The following LGSN variants were observed in gnomAD, a reference collection of about 807,000 sequenced individuals.
The protein encoded by LGSN is lengsin.
Under a neutral mutation model 19.5 loss-of-function variants are expected in LGSN, and 21 were observed. The ratio of observed to expected loss-of-function variants is 1.07; its 90% CI spans 0.76 to 1.55. LGSN has a LOEUF of 1.55. Ranked by LOEUF, LGSN falls within the 40% of genes most tolerant of loss-of-function variation. The pLI is 0.00. For synonymous variants in LGSN, 257 were observed against 215.6 expected (o/e 1.19, Z -1.68); for missense variants, 673 against 608.5 (o/e 1.11, Z -1.12).
chr6:63,519,660 A>G, the LGSN span, among the ~76,000 whole-genome samples: 1 of 152,224 alleles, frequency 6.6e-6, no homozygotes, highest in Non-Finnish European at 1.5e-5. Context: ...AAAAAGTAGG[A>G]CATGAAAATG....
At chr6:63,346,612 AAG>A in the LGSN span, among the ~76,000 whole-genome samples, 165 of 152,242 alleles carry the variant, frequency 1.1e-3, 1 homozygote, top group African/African-American at 3.6e-3. Context: ...GATTTAACCT[AAG>A]GAGGGAGTCA....
At position 63,278,102 on chromosome 6, in the gene LGSN, G is replaced by C. The variant is rs1037367855; in HGVS notation, c.*1919C>G. The C allele has an allele frequency of 6.7e-6, 1 of 150,340 alleles. No homozygotes were observed. The highest frequency in any genetic ancestry group is 2.4e-5 in the African/African-American group (1 of 40,926). The allele number at this position is 150,340 out of a possible 1,614,324, so 9.3% of individuals were successfully genotyped here. On this transcript the variant is annotated 3_prime_UTR_variant, in exon 4 of 4. Coordinates refer to ENST00000370657, the MANE Select transcript of LGSN (RefSeq NM_016571.3). The stretch of plus-strand genomic sequence containing the variant: ...GAAAAAAAAAAAAAATACAAGAAAA[G>C]AAAAGAAAATGTCCTAAAGAACTTA...
the LGSN span, among the ~76,000 whole-genome samples, chr6:63,461,027 GC>G: frequency 3.7e-4 from 56 of 152,276 alleles, no homozygotes; most frequent in African/African-American, 1.3e-3. Context: ...TGGGGCCACT[GC>G]CATGCCATCT....
At chr6:63,398,482 G>T in the LGSN span, among the ~76,000 whole-genome samples, 1 of 151,896 alleles carries the variant, frequency 6.6e-6, no homozygotes, top group Non-Finnish European at 1.5e-5. Flanking sequence ...TAGAAAAAAT[G>T]CTTTTAGAAT....
chr6:63,345,903 A>G, the LGSN span, among the ~76,000 whole-genome samples: 1 of 152,246 alleles, frequency 6.6e-6, no homozygotes, highest in Non-Finnish European at 1.5e-5. Flanking sequence ...TCCTTTTCAT[A>G]AACTAAATTT....
At chr6:63,313,837 AAAATAAATAAATAAAT>A (rs56286412) in intron 1 of LGSN, among the ~76,000 whole-genome samples, 87 of 147,652 alleles carry the variant, frequency 5.9e-4, no homozygotes, top group Middle Eastern at 7.0e-3. Context: ...CCCTGTCTCA[AAAATAAATAAATAAAT>A]AAATAAATAA....
rs1424829790 is a variant in LGSN at position 63,276,856 on chromosome 6, G to A, written c.*3165C>T. On this transcript the variant is annotated 3_prime_UTR_variant, in exon 4 of 4. Transcript: ENST00000370657. ...TTCAACAATAGAAAGCCTATGAACA[G>A]ATGAAAGAAATAGAAAAATAGATAA... The A allele has an allele frequency of 6.6e-6, 1 of 152,192 alleles. No homozygotes were observed. Among genetic ancestry groups the A allele is most frequent in the African/African-American group, 2.4e-5 (1 of 41,446 alleles). 9.4% of individuals were successfully genotyped at this position (152,192 alleles called of 1,614,324 possible).
At chr6:63,558,168 C>T in the LGSN span, among the ~76,000 whole-genome samples, 3 of 152,036 alleles carry the variant, frequency 2.0e-5, no homozygotes, top group African/African-American at 7.2e-5. Context: ...CCGTGCCCGG[C>T]CACATATGCA....
chr6:63,400,380 T>C, the LGSN span, among the ~76,000 whole-genome samples: 2 of 152,104 alleles, frequency 1.3e-5, no homozygotes, highest in Admixed American at 6.6e-5. Flanking sequence ...AGGACAGAGA[T>C]AGGAATATAG....
chr6:63,553,885 G>A, the LGSN span, among the ~76,000 whole-genome samples: 2 of 152,120 alleles, frequency 1.3e-5, no homozygotes, highest in Admixed American at 1.3e-4. Flanking sequence ...TATTCAAAAG[G>A]TTATGGCTAC....
chr6:63,336,519 C>CTGTG, the LGSN span, among the ~76,000 whole-genome samples: 71 of 132,120 alleles, frequency 5.4e-4, no homozygotes, highest in African/African-American at 7.7e-4. Flanking sequence ...TATAGAATAT[C>CTGTG]TGTGTGTGTG....
upstream of LGSN, among the ~76,000 whole-genome samples, chr6:63,321,905 T>C (rs1368385249): frequency 1.3e-5 from 2 of 152,204 alleles, no homozygotes; most frequent in Admixed American, 1.3e-4. Context: ...GTCTTTCTCT[T>C]ACCACTCTTC....
intron 3 of LGSN, among the ~76,000 whole-genome samples, chr6:63,282,702 CT>C (rs1304810571): frequency 6.6e-6 from 1 of 152,226 alleles, no homozygotes; most frequent in African/African-American, 2.4e-5. Flanking sequence ...TCCAACTCCA[CT>C]TTAACCAATA....
chr6:63,379,790 G>A, the LGSN span, among the ~76,000 whole-genome samples: 1 of 152,104 alleles, frequency 6.6e-6, no homozygotes, highest in African/African-American at 2.4e-5. Flanking sequence ...AATTTTGCAG[G>A]CTTGTAAAAT....
the LGSN span, among the ~76,000 whole-genome samples, chr6:63,481,366 G>T: frequency 7.4e-6 from 1 of 134,230 alleles, no homozygotes. Flanking sequence ...TTTTTGAGAC[G>T]GGGTCTGGCT....
At chr6:63,512,715 G>T in the LGSN span, among the ~76,000 whole-genome samples, 8 of 152,134 alleles carry the variant, frequency 5.3e-5, no homozygotes, top group Non-Finnish European at 1.2e-4. Flanking sequence ...ACATATCTGA[G>T]ATTTTGTTAG....
In LGSN at chr6:63,280,339, C is replaced by G. The variant is rs141116378; in HGVS notation, c.1212G>C (p.Arg404=). 2 of 1,614,080 alleles carry G rather than the reference C, an allele frequency of 1.2e-6. No individual in the cohort carries two copies. Among genetic ancestry groups the G allele is most frequent in the Admixed American group, 3.3e-5 (2 of 60,006 alleles). ...NIKCHGEKGT[R]IENKLGSATA... ...TTGCTGAGCCTAGTTTATTTTCTATCCGGGTGCCTTTCTCTCCATGACATT... is the reference window on the plus strand; with the variant it reads ...TTGCTGAGCCTAGTTTATTTTCTATGCGGGTGCCTTTCTCTCCATGACATT... Residue 404 remains arginine, a synonymous_variant, in exon 4 of 4, where the codon CGG becomes CGC. Coordinates refer to ENST00000370657, the MANE Select transcript of LGSN (RefSeq NM_016571.3).
intron 1 of LGSN, among the ~76,000 whole-genome samples, chr6:63,301,409 G>C (rs1768179864): frequency 6.6e-6 from 1 of 152,048 alleles, no homozygotes; most frequent in South Asian, 2.1e-4. Context: ...ATTTTGTCTA[G>C]TTTAGAGGTT....
the LGSN span, among the ~76,000 whole-genome samples, chr6:63,420,158 G>A: frequency 6.8e-4 from 102 of 149,796 alleles, no homozygotes; most frequent in African/African-American, 2.4e-3. Context: ...AGCCGAGATC[G>A]CACCACTGCA....
Sources: allele counts gnomAD v4.1 joint callset (sites outside exome capture counted in the v4.1 genomes callset), GRCh38; gene constraint gnomAD v4.1.1; transcripts MANE v1.5; gene names NCBI Gene and HGNC (gene_info 2026-07-23, HGNC 2026-07-21).